The following AMBRA1 variants were observed in gnomAD, a reference collection of about 807,000 sequenced individuals.
The protein encoded by AMBRA1 is activating molecule in BECN1-regulated autophagy protein 1.
AMBRA1 carries 47 observed loss-of-function variants against 125.4 expected under a neutral mutation model. The ratio of observed to expected loss-of-function variants is 0.37; its 90% CI spans 0.30 to 0.48. AMBRA1 has a LOEUF of 0.48. Ranked by LOEUF, AMBRA1 falls within the 20% of genes least tolerant of loss-of-function variation. The pLI, the probability that AMBRA1 is intolerant of heterozygous loss-of-function variation, is 0.99. For missense variants in AMBRA1, 1,331 were observed against 1,693.4 expected, an observed-to-expected ratio of 0.79 and a Z score of 3.76; for synonymous variants, 626 against 655.5, an observed-to-expected ratio of 0.95 and a Z score of 0.69.
chr11:46,484,399 C>A (rs183300932), intron 11 of AMBRA1, among the ~76,000 whole-genome samples: 61 of 152,290 alleles, frequency 4.0e-4, no homozygotes, highest in Admixed American at 3.7e-3. Flanking sequence ...TAGAGAGAAT[C>A]TTCAGCTGGC....
At chr11:46,414,099 C>T (rs1185802620) in intron 15 of AMBRA1, among the ~76,000 whole-genome samples, 1 of 152,210 alleles carries the variant, frequency 6.6e-6, no homozygotes, top group Non-Finnish European at 1.5e-5. Context: ...CCTGAACAGA[C>T]CTGAGCTCCC....
intron 15 of AMBRA1, among the ~76,000 whole-genome samples, chr11:46,411,107 A>AAAAAAAAG (rs1946272492): frequency 6.6e-6 from 1 of 150,814 alleles, no homozygotes; most frequent in Non-Finnish European, 1.5e-5. Flanking sequence ...CTCAAAAAAA[A>AAAAAAAAG]AAAAAAAGAA....
intron 11 of AMBRA1, among the ~76,000 whole-genome samples, chr11:46,452,320 T>C (rs1948644203): frequency 6.6e-6 from 1 of 152,156 alleles, no homozygotes; most frequent in African/African-American, 2.4e-5. Context: ...TAAAAACCTT[T>C]GTTATTTTAA....
intron 12 of AMBRA1, among the ~76,000 whole-genome samples, chr11:46,443,211 G>A (rs1261678406): frequency 1.3e-5 from 2 of 152,214 alleles, no homozygotes; most frequent in African/African-American, 4.8e-5. Flanking sequence ...AGGGAGTGTA[G>A]GATCCAAGAG....
intron 14 of AMBRA1, among the ~76,000 whole-genome samples, chr11:46,422,086 T>C (rs1381666911): frequency 6.6e-6 from 1 of 152,154 alleles, no homozygotes; most frequent in East Asian, 1.9e-4. Flanking sequence ...ACAAGAGACA[T>C]GCCGTGCAGC....
intron 7 of AMBRA1, chr11:46,518,006 G>T: frequency 4.1e-6 from 2 of 483,916 alleles, no homozygotes; most frequent in Non-Finnish European, 5.4e-6. Context: ...GTGGGTAAAG[G>T]GTATATGGGA....
chr11:46,400,724 C>T (rs1045639636), intron 17 of AMBRA1, among the ~76,000 whole-genome samples: 1 of 151,880 alleles, frequency 6.6e-6, no homozygotes, highest in Non-Finnish European at 1.5e-5. Flanking sequence ...TGGGCTCAAG[C>T]AATCCTCCTG....
Position 46,544,040 on chromosome 11 carries a change from G to T in AMBRA1, c.553C>A (p.Leu185Met). Residue 185 changes from leucine (L) to methionine (M), a missense_variant and splice_region_variant, in exon 6 of 18, where the codon CTG (leucine) becomes ATG (methionine). Coordinates refer to ENST00000683756, the MANE Select transcript of AMBRA1 (RefSeq NM_001387011.1). ...KTASEMERVRLVRFDPLGHYL... is the reference protein window; with the variant it reads ...KTASEMERVRMVRFDPLGHYL... The stretch of plus-strand genomic sequence containing the variant: ...TGTCCAAGTGGATCAAATCTCACCA[G>T]ACTAAAATCACAGAAGAAAGAGACA... 6.2e-7 allele frequency: 1 copy of T among 1,612,894 alleles called. No homozygotes were observed. The highest frequency in any genetic ancestry group is 1.1e-5 in the South Asian group (1 of 90,948).
chr11:46,438,346 T>C (rs1375231491), intron 12 of AMBRA1, among the ~76,000 whole-genome samples: 1 of 152,186 alleles, frequency 6.6e-6, no homozygotes, highest in East Asian at 1.9e-4. Context: ...GAAAATGCCC[T>C]AGCAGGGAAT....
chr11:46,493,976 C>A, intron 10 of AMBRA1, 148 bp downstream of exon 10: 1 of 747,738 alleles, frequency 1.3e-6, no homozygotes. Flanking sequence ...AACCATCATC[C>A]GTCAAGAGTT....
At chr11:46,583,116 G>A (rs1054663870) in intron 1 of AMBRA1, among the ~76,000 whole-genome samples, 4 of 152,138 alleles carry the variant, frequency 2.6e-5, no homozygotes, top group African/African-American at 9.7e-5. Flanking sequence ...CAAGGCTACA[G>A]TAACCAAAAC....
chr11:46,559,192 C>G (rs534576689), intron 1 of AMBRA1, among the ~76,000 whole-genome samples: 1 of 151,784 alleles, frequency 6.6e-6, no homozygotes, highest in Non-Finnish European at 1.5e-5. Flanking sequence ...CCCAGCTACT[C>G]GGGAGACTGA....
chr11:46,472,983 A>G (rs1352092123), intron 11 of AMBRA1, among the ~76,000 whole-genome samples: 1 of 152,164 alleles, frequency 6.6e-6, no homozygotes, highest in Non-Finnish European at 1.5e-5. Context: ...AATCAACCTG[A>G]TATTACAGTA....
chr11:46,512,903 T>G (rs1951319456), intron 7 of AMBRA1, 90 bp from the exon 8 acceptor site: 2 of 1,215,444 alleles, frequency 1.6e-6, no homozygotes, highest in Non-Finnish European at 2.3e-6. Flanking sequence ...GATATATAAC[T>G]TTCCCCTTTT....
intron 1 of AMBRA1, among the ~76,000 whole-genome samples, chr11:46,549,326 C>T (rs936941048): frequency 6.6e-6 from 1 of 152,104 alleles, no homozygotes; most frequent in Non-Finnish European, 1.5e-5. Context: ...TTCTTTAGCT[C>T]CACTATGAAT....
intron 7 of AMBRA1, among the ~76,000 whole-genome samples, chr11:46,540,883 G>A (rs1952705209): frequency 6.6e-6 from 1 of 152,112 alleles, no homozygotes; most frequent in Admixed American, 6.6e-5. Flanking sequence ...TTCCCACAGT[G>A]CCTAGCACAG....
chr11:46,556,850 A>G (rs12573978), intron 1 of AMBRA1, among the ~76,000 whole-genome samples: 28,729 of 152,194 alleles, frequency 0.19, 3,025 homozygotes, highest in African/African-American at 0.28. Context: ...GAAAATGGTA[A>G]TAAGGGCTGG....
intron 11 of AMBRA1, among the ~76,000 whole-genome samples, chr11:46,448,711 GAA>G (rs889797276): frequency 1.3e-5 from 2 of 151,838 alleles, no homozygotes; most frequent in Admixed American, 6.6e-5. Context: ...GGCCAACTAC[GAA>G]AAAAGAGAGA....
intron 14 of AMBRA1, chr11:46,428,743 G>A (rs13264): frequency 1.9e-5 from 30 of 1,609,662 alleles, no homozygotes; most frequent in Non-Finnish European, 2.3e-5. Flanking sequence ...CTTTCTTGTC[G>A]GCACCAGGTG....
Sources: allele counts gnomAD v4.1 joint callset (sites outside exome capture counted in the v4.1 genomes callset), GRCh38; gene constraint gnomAD v4.1.1; transcripts MANE v1.5; gene names NCBI Gene and HGNC (gene_info 2026-07-23, HGNC 2026-07-21).